LIN7A: variants seen among roughly 807,000 people sequenced by gnomAD.
LIN7A encodes the protein protein lin-7 homolog A.
Under a neutral mutation model 29.8 loss-of-function variants are expected in LIN7A, and 25 were observed. That is an observed-to-expected ratio of 0.84 (90% confidence interval 0.61 to 1.17). The LOEUF (loss-of-function observed/expected upper bound fraction) is 1.17. Among genes scored for constraint, LIN7A ranks in the 50% most tolerant of loss-of-function variants. LIN7A has a pLI of 0.00. For missense variants in LIN7A, 239 were observed against 287.0 expected (o/e 0.83, Z 1.21); for synonymous variants, 118 against 107.5 (o/e 1.10, Z -0.60).
intron 1 of LIN7A, among the ~76,000 whole-genome samples, chr12:80,909,430 G>C (rs1231044731): frequency 6.6e-6 from 1 of 152,104 alleles, no homozygotes; most frequent in African/African-American, 2.4e-5. Context: ...GTCCATTGAG[G>C]CTGCTATTGA....
chr12:80,912,406 A>C (rs1627156), intron 1 of LIN7A, among the ~76,000 whole-genome samples: 68,633 of 151,924 alleles, frequency 0.45, 17,532 homozygotes, highest in Middle Eastern at 0.61. Context: ...ATCATTAATC[A>C]TAGATCTCCT....
intron 1 of LIN7A, among the ~76,000 whole-genome samples, chr12:80,930,240 A>G (rs1440594497): frequency 6.6e-6 from 1 of 152,208 alleles, no homozygotes; most frequent in Non-Finnish European, 1.5e-5. Context: ...GAATATAACT[A>G]CAAAATAAGT....
intron 1 of LIN7A, among the ~76,000 whole-genome samples, chr12:80,914,159 A>G (rs1876913034): frequency 6.6e-6 from 1 of 152,200 alleles, no homozygotes; most frequent in Admixed American, 6.5e-5. Context: ...AGTTAAGATC[A>G]GATCATACAG....
chr12:80,879,751 A>G lies in LIN7A; in HGVS notation c.201+9500T>C, dbSNP rs1279323875. On this transcript the variant is annotated intron_variant, in intron 2 of 5. Transcript: ENST00000552864. ...ATTTTTAGTATCCAAACAATTTTTCATCTGTTTTAATAGCACTATGTGCTC... is the reference window on the plus strand; with the variant it reads ...ATTTTTAGTATCCAAACAATTTTTCGTCTGTTTTAATAGCACTATGTGCTC... Among the ~76,000 whole-genome samples the G allele has an allele frequency of 1.3e-5, 2 of 150,028 alleles. 1 individual carries two copies. The highest frequency in any genetic ancestry group is 3.0e-5 in the Non-Finnish European group (2 of 67,686).
chr12:80,822,283 T>C (rs913108992), intron 4 of LIN7A, among the ~76,000 whole-genome samples: 2 of 152,184 alleles, frequency 1.3e-5, no homozygotes, highest in African/African-American at 4.8e-5. Flanking sequence ...GGGCGCTGTG[T>C]GCAGTGGCTC....
chr12:80,823,724 C>A (rs924881228), intron 4 of LIN7A, among the ~76,000 whole-genome samples: 1 of 152,236 alleles, frequency 6.6e-6, no homozygotes, highest in South Asian at 2.1e-4. Context: ...AAATGTGACA[C>A]CCCAAGGATT....
At chr12:80,918,407 C>T (rs1186405680) in intron 1 of LIN7A, among the ~76,000 whole-genome samples, 1 of 151,924 alleles carries the variant, frequency 6.6e-6, no homozygotes, top group Non-Finnish European at 1.5e-5. Flanking sequence ...TATTTAGATC[C>T]CAAACTAGGT....
At chr12:80,841,963 A>AC in intron 4 of LIN7A, 2 of 1,157,228 alleles carry the variant, frequency 1.7e-6, no homozygotes, top group South Asian at 3.6e-5. Flanking sequence ...GTAGCCATAC[A>AC]CCAAAGGCCT....
chr12:80,825,588 A>G (rs1289059383), intron 4 of LIN7A, among the ~76,000 whole-genome samples: 1 of 152,170 alleles, frequency 6.6e-6, no homozygotes, highest in African/African-American at 2.4e-5. Flanking sequence ...TCTATAAAAG[A>G]TTTGCAACCT....
chr12:80,799,665 T>C (rs1870621361), intron 5 of LIN7A, among the ~76,000 whole-genome samples: 1 of 152,202 alleles, frequency 6.6e-6, no homozygotes, highest in South Asian at 2.1e-4. Context: ...AAATCAATCA[T>C]CTATGCTTCT....
chr12:80,835,488 T>C (rs1296127817), intron 4 of LIN7A, among the ~76,000 whole-genome samples: 1 of 152,174 alleles, frequency 6.6e-6, no homozygotes, highest in African/African-American at 2.4e-5. Flanking sequence ...GGGGGACTTT[T>C]ATTGTCTCTT....
chr12:80,904,679 A>C (rs969887194), intron 1 of LIN7A, among the ~76,000 whole-genome samples: 1 of 152,186 alleles, frequency 6.6e-6, no homozygotes, highest in Non-Finnish European at 1.5e-5. Context: ...TATAGGTTGA[A>C]TATCCCTAAT....
At chr12:80,923,892 G>A (rs571094671) in intron 1 of LIN7A, among the ~76,000 whole-genome samples, 1 of 152,220 alleles carries the variant, frequency 6.6e-6, no homozygotes, top group South Asian at 2.1e-4. Flanking sequence ...ATAATGTTTT[G>A]TATTTTGTTT....
chr12:80,910,708 T>C (rs1348958822), intron 1 of LIN7A, among the ~76,000 whole-genome samples: 1 of 152,236 alleles, frequency 6.6e-6, no homozygotes, highest in Non-Finnish European at 1.5e-5. Flanking sequence ...CTTCTTGGAA[T>C]AAACTCCACT....
At chr12:80,862,128 G>T (rs1200710372) in intron 2 of LIN7A, among the ~76,000 whole-genome samples, 1 of 152,178 alleles carries the variant, frequency 6.6e-6, no homozygotes, top group Non-Finnish European at 1.5e-5. Flanking sequence ...GGTTATAACT[G>T]TCTCAACTAT....
chr12:80,844,960 CG>C (rs1872990993), intron 4 of LIN7A, among the ~76,000 whole-genome samples: 2 of 151,640 alleles, frequency 1.3e-5, no homozygotes, highest in Non-Finnish European at 2.9e-5. Context: ...ATTTTGAGGC[CG>C]GGCGCGATGG....
At chr12:80,802,101 G>A (rs916706151) in intron 5 of LIN7A, among the ~76,000 whole-genome samples, 1 of 151,902 alleles carries the variant, frequency 6.6e-6, no homozygotes, top group African/African-American at 2.4e-5. Flanking sequence ...CACCATATTG[G>A]CCAGGCTGGT....
chr12:80,798,896 C>T (rs1210529650), intron 5 of LIN7A, among the ~76,000 whole-genome samples: 3 of 151,914 alleles, frequency 2.0e-5, no homozygotes, highest in African/African-American at 7.3e-5. Context: ...CCACCTCCAG[C>T]TAATTTTTGT....
At chr12:80,854,118 A>T (rs1873472383) in intron 2 of LIN7A, among the ~76,000 whole-genome samples, 1 of 152,220 alleles carries the variant, frequency 6.6e-6, no homozygotes. Flanking sequence ...CTAGCTATTT[A>T]TCCAAGATAA....
Sources: allele counts gnomAD v4.1 joint callset (sites outside exome capture counted in the v4.1 genomes callset), GRCh38; gene constraint gnomAD v4.1.1; transcripts MANE v1.5; gene names NCBI Gene and HGNC (gene_info 2026-07-23, HGNC 2026-07-21).